Variants in VASH1 observed in about 807,000 individuals in gnomAD.
VASH1 encodes tubulinyl-Tyr carboxypeptidase 1.
Under a neutral mutation model 35.0 loss-of-function variants are expected in VASH1, and 16 were observed. The ratio of observed to expected loss-of-function variants is 0.46; its 90% CI spans 0.31 to 0.70. The LOEUF (loss-of-function observed/expected upper bound fraction) is 0.70, where lower values mean the gene tolerates loss of function less well. Ranked by LOEUF, VASH1 falls within the 30% of genes least tolerant of loss-of-function variation. The pLI is 0.05. For missense variants in VASH1, 505 were observed against 510.7 expected (o/e 0.99, Z 0.11); for synonymous variants, 214 against 200.9 (o/e 1.07, Z -0.55).
At chr14:76,764,498 G>A (rs917071172) in intron 1 of VASH1, among the ~76,000 whole-genome samples, 4 of 152,098 alleles carry the variant, frequency 2.6e-5, no homozygotes, top group African/African-American at 9.7e-5. Context: ...CGAAAGTATT[G>A]CGTCAAAGGA....
In VASH1 at chr14:76,779,287, TG is replaced by T. The variant is rs1595281275; in HGVS notation, c.*271del. ...GTATTTGGGGAAAACTTAGTCCAAA[TG>T]GATCTGCTGATGGTGGGAAGGCCAG... On this transcript the variant is annotated 3_prime_UTR_variant, in exon 7 of 7. Transcript: ENST00000167106. The T allele has an allele frequency of 2.8e-6, 2 of 702,242 alleles. No homozygotes were observed. The highest frequency in any genetic ancestry group is 1.5e-5 in the South Asian group (1 of 67,366). The allele number at this position is 702,242 out of a possible 1,614,324, so 43.5% of individuals were successfully genotyped here.
chr14:76,773,017 C>A (rs1249323393), intron 3 of VASH1, 120 bp from the exon 4 acceptor site: 5 of 894,382 alleles, frequency 5.6e-6, no homozygotes, highest in East Asian at 2.7e-5. Context: ...GAGCTGAGAG[C>A]AGCTTAGGGG....
intron 5 of VASH1, among the ~76,000 whole-genome samples, chr14:76,776,963 CTT>C (rs561287804): frequency 6.7e-4 from 102 of 152,322 alleles, no homozygotes; most frequent in African/African-American, 2.2e-3. Flanking sequence ...CACTGCTTCT[CTT>C]GACAGCCCTG....
intron 1 of VASH1, among the ~76,000 whole-genome samples, chr14:76,768,264 G>T (rs912960486): frequency 6.6e-6 from 1 of 152,220 alleles, no homozygotes; most frequent in South Asian, 2.1e-4. Context: ...GACAGGAAGA[G>T]GGGGGAGCCC....
intron 3 of VASH1, 119 bp from the exon 4 acceptor site, chr14:76,773,018 A>C (rs1653690627): frequency 1.2e-5 from 11 of 908,990 alleles, no homozygotes; most frequent in Non-Finnish European, 1.6e-5. Flanking sequence ...AGCTGAGAGC[A>C]GCTTAGGGGG....
At position 76,763,148 on chromosome 14, in the gene VASH1, G is replaced by C; in HGVS notation, c.309+18G>C. 1 of 1,438,046 alleles carries C rather than the reference G, an allele frequency of 7.0e-7. No individual in the cohort carries two copies. The highest frequency in any genetic ancestry group is 9.2e-7 in the Non-Finnish European group (1 of 1,089,902). The allele number at this position is 1,438,046 out of a possible 1,614,324, so 89.1% of individuals were successfully genotyped here. ...TGCCCAAGGTGAGACACACGGGTCAGGGGGGTGATAGCACAGTCTAGGTTT... is the reference window on the plus strand; with the variant it reads ...TGCCCAAGGTGAGACACACGGGTCACGGGGGTGATAGCACAGTCTAGGTTT... On this transcript the variant is annotated intron_variant, in intron 1 of 6. Coordinates refer to ENST00000167106, the MANE Select transcript of VASH1 (RefSeq NM_014909.5).
At chr14:76,775,474 T>TGAGG (rs1893909731) in intron 4 of VASH1, among the ~76,000 whole-genome samples, 1 of 151,286 alleles carries the variant, frequency 6.6e-6, no homozygotes, top group African/African-American at 2.4e-5. Context: ...GAGGACAGGG[T>TGAGG]GAGGGTAAGA....
At chr14:76,764,710 G>A (rs1384986893) in intron 1 of VASH1, among the ~76,000 whole-genome samples, 2 of 147,962 alleles carry the variant, frequency 1.4e-5, no homozygotes, top group African/African-American at 5.0e-5. Flanking sequence ...TTTTGAGATG[G>A]AGTCTCACTC....
intron 5 of VASH1, among the ~76,000 whole-genome samples, chr14:76,776,528 G>A (rs1469966342): frequency 6.6e-6 from 1 of 152,108 alleles, no homozygotes; most frequent in Non-Finnish European, 1.5e-5. Flanking sequence ...GGAGAATCAC[G>A]GCCTGTCTGG....
intron 4 of VASH1, chr14:76,773,438 T>A (rs1893846755): frequency 1.8e-6 from 1 of 548,710 alleles, no homozygotes; most frequent in South Asian, 2.7e-5. Flanking sequence ...CTTCCCAGGC[T>A]TACTGGGCAG....
chr14:76,776,436 AC>A (rs1426684073), intron 5 of VASH1, among the ~76,000 whole-genome samples, 163 bp downstream of exon 5: 2 of 152,044 alleles, frequency 1.3e-5, no homozygotes, highest in African/African-American at 2.4e-5. Flanking sequence ...GGGTGGGCAG[AC>A]CAGGACGGCT....
chr14:76,769,487 A>G, intron 1 of VASH1: 1 of 1,288,706 alleles, frequency 7.8e-7, no homozygotes, highest in Non-Finnish European at 1.0e-6. Context: ...GTCCCCTACC[A>G]AGGATGCTCA....
rs1893663692 is a variant in VASH1, at chr14:76,767,214, C to T, written c.310-2749C>T. On this transcript the variant is annotated intron_variant, in intron 1 of 6. Coordinates refer to ENST00000167106, the MANE Select transcript of VASH1 (RefSeq NM_014909.5). ...GAGCCGAAGTTGAGCCACTGCACTCCAGCCTGGGCGACAGGGTGAAACTCT... is the reference window on the plus strand; with the variant it reads ...GAGCCGAAGTTGAGCCACTGCACTCTAGCCTGGGCGACAGGGTGAAACTCT... 4.6e-5 allele frequency among the ~76,000 whole-genome samples: 7 copies of T among 151,372 alleles called. No individual in the cohort carries two copies. In the South Asian group the frequency reaches 1.5e-3, roughly 32 times the overall value.
At chr14:76,763,674 G>A (rs1296176234) in intron 1 of VASH1, among the ~76,000 whole-genome samples, 1 of 152,192 alleles carries the variant, frequency 6.6e-6, no homozygotes, top group African/African-American at 2.4e-5. Context: ...TCAATTTCAG[G>A]TCTTCAGGAG....
intron 2 of VASH1, 40 bp downstream of exon 2, chr14:76,770,091 G>C (rs756281438): frequency 6.4e-7 from 1 of 1,572,386 alleles, no homozygotes; most frequent in African/African-American, 1.4e-5. Flanking sequence ...CCTTCTGGCC[G>C]GTGTGGTGGG....
At position 76,779,255 on chromosome 14, in the gene VASH1, G is replaced by A; in HGVS notation, c.*237G>A. ...TGGAGTTTTTAACTCTACAACTGAA[G>A]TTTAAGGTATTTGGGGAAAACTTAG... On this transcript the variant is annotated 3_prime_UTR_variant, in exon 7 of 7. Coordinates refer to ENST00000167106, the MANE Select transcript of VASH1 (RefSeq NM_014909.5). The A allele has an allele frequency of 1.4e-6, 1 of 700,642 alleles. No individual in the cohort carries two copies. The allele number at this position is 700,642 out of a possible 1,614,324, so 43.4% of individuals were successfully genotyped here. A position where few individuals can be genotyped will look rare whatever the true frequency, so the allele number is the denominator to read the frequency against.
intron 4 of VASH1, 104 bp from the exon 5 acceptor site, chr14:76,775,788 C>T (rs1893919611): frequency 1.4e-6 from 2 of 1,443,582 alleles, no homozygotes; most frequent in Non-Finnish European, 1.8e-6. Context: ...TGTCTGCACC[C>T]CAAGGCTGGC....
At chr14:76,765,896 C>A (rs1361637922) in intron 1 of VASH1, among the ~76,000 whole-genome samples, 1 of 152,136 alleles carries the variant, frequency 6.6e-6, no homozygotes, top group African/African-American at 2.4e-5. Flanking sequence ...GAGTCTGGGA[C>A]CCCTGCAGGC....
Position 76,762,731 on chromosome 14 carries a change from G to C in VASH1, c.-91G>C, listed in dbSNP as rs866536883. ...ATTTCTTAAAGGCGCCTTGCACTCT[G>C]GCCATGTGTTATCTCTGCAGCCGGT... On this transcript the variant is annotated 5_prime_UTR_variant, in exon 1 of 7. Coordinates refer to ENST00000167106, the MANE Select transcript of VASH1 (RefSeq NM_014909.5). 6 of 1,221,450 alleles carry C rather than the reference G, an allele frequency of 4.9e-6. No homozygotes were observed. Among genetic ancestry groups the C allele is most frequent in the Admixed American group, 6.3e-5 (2 of 31,674 alleles). 75.7% of individuals were successfully genotyped at this position (1,221,450 alleles called of 1,614,324 possible). A position where few individuals can be genotyped will look rare whatever the true frequency, so the allele number is the denominator to read the frequency against.
Sources: allele counts gnomAD v4.1 joint callset (sites outside exome capture counted in the v4.1 genomes callset), GRCh38; gene constraint gnomAD v4.1.1; transcripts MANE v1.5; gene names NCBI Gene and HGNC (gene_info 2026-07-23, HGNC 2026-07-21).